Variants in SPINT3 observed in about 807,000 individuals in gnomAD.
The protein encoded by SPINT3 is kunitz-type protease inhibitor 3.
A neutral mutation model predicts 3.3 loss-of-function variants in SPINT3; 4 were observed. The observed-to-expected ratio is 1.22, with a 90% CI of 0.60 to 2.79. The LOEUF is 2.79. Among genes scored for constraint, SPINT3 ranks in the 30% most tolerant of loss-of-function variants. The pLI is 0.01. For synonymous variants in SPINT3, 30 were observed against 38.6 expected (o/e 0.78, Z 0.83); for missense variants, 97 against 104.3 (o/e 0.93, Z 0.31).
chr20:45,512,471 A>C lies in SPINT3; in HGVS notation c.*180T>G. 1.6e-6 allele frequency: 1 copy of C among 622,364 alleles called. No homozygotes were observed. The highest frequency in any genetic ancestry group is 1.8e-5 in the African/African-American group (1 of 54,180). 38.6% of individuals were successfully genotyped at this position (622,364 alleles called of 1,614,324 possible). On this transcript the variant is annotated 3_prime_UTR_variant, in exon 2 of 2. Transcript: ENST00000217428. Reference sequence around the variant, plus strand: ...TCTTGAGATTGTAAACATGATTGCAACATTTATAGAATTTCAGGCACAGAG... The same window carrying C: ...TCTTGAGATTGTAAACATGATTGCACCATTTATAGAATTTCAGGCACAGAG...
In SPINT3 at chr20:45,512,792, GC is replaced by G; in HGVS notation, c.128del (p.Gly43AlafsTer7). The G allele has an allele frequency of 6.4e-7, 1 of 1,551,624 alleles. No homozygotes were observed. Among genetic ancestry groups the G allele is most frequent in the Non-Finnish European group, 8.7e-7 (1 of 1,146,982 alleles). On this transcript the variant is annotated frameshift_variant, in exon 2 of 2. Coordinates refer to ENST00000217428, the MANE Select transcript of SPINT3 (RefSeq NM_006652.2). LOFTEE classifies it low-confidence loss of function (END_TRUNC). Reference sequence around the variant, plus strand: ...ATCGCGTCATGTAGGTTTGACAAGGGCCCTTTTCCATAGGAAAAGCGCATAC... The same window carrying G: ...ATCGCGTCATGTAGGTTTGACAAGGGCCTTTTCCATAGGAAAAGCGCATAC... Reference protein sequence around the residue: ...PNVCAFPMEKGPCQTYMTRWF... With the variant: ...PNVCAFPMEKXPCQTYMTRWF...
rs371429401 is a variant in SPINT3, at chr20:45,515,550, C to G, written c.59G>C (p.Arg20Pro). 8 of 1,549,158 alleles carry G rather than the reference C, an allele frequency of 5.2e-6. No homozygotes were observed. Among genetic ancestry groups the G allele is most frequent in the Admixed American group, 2.0e-5 (1 of 50,804 alleles). ...LLILTLCLEL[R>P]SELARDTIKD... is the part of the protein sequence containing the mutation. The stretch of plus-strand genomic sequence containing the variant: ...ATACCAACCTCGTGCTAGTTCTGAT[C>G]GAAGCTCTAGGCAGAGAGTGAGAAT... The change falls in exon 1 of 2, where the codon CGA becomes CCA. Residue 20 changes from arginine to proline, a missense_variant. By Grantham distance (103) the Arg-to-Pro change is moderately radical. Coordinates refer to ENST00000217428, the MANE Select transcript of SPINT3 (RefSeq NM_006652.2).
In SPINT3 at chr20:45,512,604, C is replaced by T. The variant is rs6065831; in HGVS notation, c.*47G>A. ...ACACACGCAAATGCCTTCTATGGCC[C>T]TCAGAGCAATCCCGAATCCATGGAG... On this transcript the variant is annotated 3_prime_UTR_variant, in exon 2 of 2. Coordinates refer to ENST00000217428, the MANE Select transcript of SPINT3 (RefSeq NM_006652.2). The T allele has an allele frequency of 1.3e-6, 2 of 1,533,530 alleles. No homozygotes were observed. Among genetic ancestry groups the T allele is most frequent in the South Asian group, 2.4e-5 (2 of 81,702 alleles). 95.0% of individuals were successfully genotyped at this position (1,533,530 alleles called of 1,614,324 possible). A position where few individuals can be genotyped will look rare whatever the true frequency, so the allele number is the denominator to read the frequency against.
Position 45,512,696 on chromosome 20 carries a change from G to T in SPINT3, c.225C>A (p.Asn75Lys). ...TCTCACATTTTTCTTTCCTCAAAAAGTTGTTGCTGTTGCCTCCGCAGCCTC... is the reference window on the plus strand; with the variant it reads ...TCTCACATTTTTCTTTCCTCAAAAATTTGTTGCTGTTGCCTCCGCAGCCTC... ...AYGGCGGNSN[N>K]FLRKEKCEKF... is the part of the protein sequence containing the mutation. The change falls in exon 2 of 2, where the codon AAC becomes AAA. Residue 75 changes from asparagine (N) to lysine (K), a missense_variant. Physicochemically the swap from Asn to Lys is moderately conservative, Grantham distance 94. Transcript: ENST00000217428. The T allele has an allele frequency of 6.4e-7, 1 of 1,551,574 alleles. No homozygotes were observed. The highest frequency in any genetic ancestry group is 8.7e-7 in the Non-Finnish European group (1 of 1,146,954).
rs1392038425 is a variant in SPINT3 at position 45,512,933 on chromosome 20, C to A, written c.77-89G>T. ...CCAGGGGCTGTGACAGCCCTGGGCA[C>A]AATTGTGAGGCCATCCACAATGGCT... On this transcript the variant is annotated intron_variant, in intron 1 of 1. Coordinates refer to ENST00000217428, the MANE Select transcript of SPINT3 (RefSeq NM_006652.2). 4.8e-6 allele frequency: 5 copies of A among 1,033,912 alleles called. No homozygotes were observed. In the East Asian group the frequency reaches 1.3e-4, roughly 27 times the overall value. 64.0% of individuals were successfully genotyped at this position (1,033,912 alleles called of 1,614,324 possible).
intron 1 of SPINT3, 54 bp downstream of exon 1, chr20:45,515,479 G>T (rs538059177): frequency 4.5e-6 from 4 of 879,678 alleles, no homozygotes; most frequent in East Asian, 6.8e-5. Flanking sequence ...CCACCACCCC[G>T]CCCCCCAGCC....
intron 1 of SPINT3, among the ~76,000 whole-genome samples, chr20:45,513,960 C>T (rs1189179653): frequency 6.6e-6 from 1 of 152,226 alleles, no homozygotes; most frequent in East Asian, 1.9e-4. Context: ...TATGGTGGAA[C>T]TTCAGGCAGC....
Position 45,512,805 on chromosome 20 carries a change from G to C in SPINT3, c.116C>G (p.Pro39Arg). Residue 39 changes from proline (P) to arginine (R), a missense_variant, in exon 2 of 2, where the codon CCT becomes CGT. Coordinates refer to ENST00000217428, the MANE Select transcript of SPINT3 (RefSeq NM_006652.2). ...KDLLPNVCAF[P>R]MEKGPCQTYM... is the part of the protein sequence containing the mutation. ...GGTTTGACAAGGGCCCTTTTCCATA[G>C]GAAAAGCGCATACATTTGGGAGGAG... is the stretch of plus-strand genomic sequence containing the variant. 1 of 1,551,650 alleles carries C rather than the reference G, an allele frequency of 6.4e-7. No homozygotes were observed. The highest frequency in any genetic ancestry group is 8.7e-7 in the Non-Finnish European group (1 of 1,146,978).
rs1176039969 is a variant in SPINT3 at position 45,512,812 on chromosome 20, C to A, written c.109G>T (p.Ala37Ser). The A allele has an allele frequency of 6.4e-7, 1 of 1,551,598 alleles. No homozygotes were observed. Among genetic ancestry groups the A allele is most frequent in the Non-Finnish European group, 8.7e-7 (1 of 1,146,950 alleles). The change falls in exon 2 of 2, where the codon GCT (alanine) becomes TCT (serine). Residue 37 changes from alanine to serine, a missense_variant. By Grantham distance (99) the Ala-to-Ser change is moderately conservative. Transcript: ENST00000217428. ...CAAGGGCCCTTTTCCATAGGAAAAG[C>A]GCATACATTTGGGAGGAGATCCTTG... ...TIKDLLPNVC[A>S]FPMEKGPCQT...
Position 45,515,567 on chromosome 20 carries a change from A to G in SPINT3, c.42T>C (p.Thr14=). 1 of 1,551,302 alleles carries G rather than the reference A, an allele frequency of 6.4e-7. No individual in the cohort carries two copies. Among genetic ancestry groups the G allele is most frequent in the South Asian group, 1.2e-5 (1 of 84,050 alleles). ...GTTCTGATCGAAGCTCTAGGCAGAG[A>G]GTGAGAATCAGGAGAAACGAGAGAG... The part of the protein sequence containing the change: ...QASLSFLLIL[T]LCLELRSELA... Residue 14 remains threonine (T), a synonymous_variant, in exon 1 of 2, where the codon ACT becomes ACC. Transcript: ENST00000217428.
intron 1 of SPINT3, among the ~76,000 whole-genome samples, chr20:45,515,073 G>A (rs1978834756): frequency 6.6e-6 from 1 of 152,062 alleles, no homozygotes; most frequent in Non-Finnish European, 1.5e-5. Flanking sequence ...CACAGAGAAA[G>A]TGGTCCAGGA....
chr20:45,513,639 A>G (rs2145527399), intron 1 of SPINT3, among the ~76,000 whole-genome samples: 1 of 152,304 alleles, frequency 6.6e-6, no homozygotes, highest in African/African-American at 2.4e-5. Context: ...CTTAGCAAAT[A>G]TTTGTTAATA....
intron 1 of SPINT3, among the ~76,000 whole-genome samples, chr20:45,514,199 C>T (rs1978812782): frequency 6.6e-6 from 1 of 152,184 alleles, no homozygotes; most frequent in South Asian, 2.1e-4. Flanking sequence ...CTCAGTCTTG[C>T]TTCTCTGCTC....
In SPINT3 at chr20:45,515,604, T is replaced by A. The variant is rs375957406; in HGVS notation, c.5A>T (p.Gln2Leu). The stretch of plus-strand genomic sequence containing the variant: ...GAGAAACGAGAGAGAGGCCTGAAGC[T>A]GCATGGTGCCACTCAGCCAGTGGCT... M[Q>L]LQASLSFLLI... The change falls in exon 1 of 2, where the codon CAG (glutamine) becomes CTG (leucine). Residue 2 changes from glutamine to leucine, a missense_variant. Gln to Leu is a moderately radical substitution (Grantham distance 113). Transcript: ENST00000217428. 134 of 1,551,488 alleles carry A rather than the reference T, an allele frequency of 8.6e-5. No individual in the cohort carries two copies. The African/African-American group carries it at 1.7e-3, about 20-fold the overall frequency.
At chr20:45,513,711 C>A (rs1251675867) in intron 1 of SPINT3, among the ~76,000 whole-genome samples, 1 of 152,166 alleles carries the variant, frequency 6.6e-6, no homozygotes, top group Non-Finnish European at 1.5e-5. Flanking sequence ...TTCTTTGTAC[C>A]CTCCTTTTAT....
At position 45,512,510 on chromosome 20, in the gene SPINT3, A is replaced by G. The variant is rs959779123; in HGVS notation, c.*141T>C. On this transcript the variant is annotated 3_prime_UTR_variant, in exon 2 of 2. Coordinates refer to ENST00000217428, the MANE Select transcript of SPINT3 (RefSeq NM_006652.2). ...TCAGGCACAGAGATGAAGCACTTGT[A>G]GGAGCACATCAGGGAGAATAAATGT... is the stretch of plus-strand genomic sequence containing the variant. The G allele has an allele frequency of 1.0e-5, 8 of 775,928 alleles. No homozygotes were observed. The highest frequency in any genetic ancestry group is 6.2e-4 in the Middle Eastern group (2 of 3,212). 48.1% of individuals were successfully genotyped at this position (775,928 alleles called of 1,614,324 possible). A position where few individuals can be genotyped will look rare whatever the true frequency, so the allele number is the denominator to read the frequency against.
intron 1 of SPINT3, 44 bp downstream of exon 1, chr20:45,515,489 C>A: frequency 6.6e-7 from 1 of 1,509,966 alleles, no homozygotes. Flanking sequence ...GCCCCCCAGC[C>A]TGATTCCCAG....
In SPINT3 at chr20:45,515,552, A is replaced by C; in HGVS notation, c.57T>G (p.Leu19=). 1 of 1,550,830 alleles carries C rather than the reference A, an allele frequency of 6.4e-7. No homozygotes were observed. The highest frequency in any genetic ancestry group is 8.7e-7 in the Non-Finnish European group (1 of 1,146,828). ...FLLILTLCLE[L]RSELARDTIK... is the part of the protein sequence containing the mutation. ...ACCAACCTCGTGCTAGTTCTGATCG[A>C]AGCTCTAGGCAGAGAGTGAGAATCA... Residue 19 remains leucine (L), a synonymous_variant, in exon 1 of 2, where the codon CTT becomes CTG. Transcript: ENST00000217428.
At chr20:45,514,689 G>T (rs1160904043) in intron 1 of SPINT3, among the ~76,000 whole-genome samples, 1 of 152,214 alleles carries the variant, frequency 6.6e-6, no homozygotes, top group East Asian at 1.9e-4. Flanking sequence ...TACTGCTGCT[G>T]CTATTGCTGT....
Sources: allele counts gnomAD v4.1 joint callset (sites outside exome capture counted in the v4.1 genomes callset), GRCh38; gene constraint gnomAD v4.1.1; transcripts MANE v1.5; gene names NCBI Gene and HGNC (gene_info 2026-07-23, HGNC 2026-07-21).